The following CTNND2 variants were observed in gnomAD, a reference collection of about 807,000 sequenced individuals.
The protein encoded by CTNND2 is catenin delta-2.
A neutral mutation model predicts 144.4 loss-of-function variants in CTNND2; 22 were observed. The observed-to-expected ratio is 0.15, with a 90% CI of 0.11 to 0.22. The LOEUF (loss-of-function observed/expected upper bound fraction) is 0.22. Ranked by LOEUF, CTNND2 falls within the 10% of genes least tolerant of loss-of-function variation. The pLI is 1.00. For missense variants in CTNND2, 1,353 were observed against 1,618.8 expected, an observed-to-expected ratio of 0.84 and a Z score of 2.82; for synonymous variants, 751 against 695.6, an observed-to-expected ratio of 1.08 and a Z score of -1.25.
intron 2 of CTNND2, among the ~76,000 whole-genome samples, chr5:11,596,838 C>G (rs970089914): frequency 6.6e-6 from 1 of 152,090 alleles, no homozygotes; most frequent in African/African-American, 2.4e-5. Flanking sequence ...CTCTAGTGTT[C>G]TCTTTGTGCT....
At chr5:11,068,605 T>G (rs1747871696) in intron 16 of CTNND2, among the ~76,000 whole-genome samples, 1 of 152,164 alleles carries the variant, frequency 6.6e-6, no homozygotes, top group South Asian at 2.1e-4. Context: ...CTATTATGCA[T>G]TACAACACAA....
At chr5:11,464,176 T>C (rs996939285) in intron 3 of CTNND2, among the ~76,000 whole-genome samples, 1 of 152,188 alleles carries the variant, frequency 6.6e-6, no homozygotes, top group African/African-American at 2.4e-5. Context: ...AATTCAGCAG[T>C]GAGCCAAACA....
At chr5:11,143,466 A>G (rs59115208) in intron 12 of CTNND2, among the ~76,000 whole-genome samples, 11,731 of 152,096 alleles carry the variant, frequency 0.077, 1,448 homozygotes, top group African/African-American at 0.26. Context: ...TTGATGCTCT[A>G]TTGGCTTGTA....
At chr5:11,216,800 T>C (rs997459986) in intron 10 of CTNND2, among the ~76,000 whole-genome samples, 1 of 152,222 alleles carries the variant, frequency 6.6e-6, no homozygotes, top group Non-Finnish European at 1.5e-5. Context: ...GCTGCTTTGA[T>C]CAGCACACCT....
chr5:11,157,206 A>G (rs1758301757), intron 12 of CTNND2, among the ~76,000 whole-genome samples: 1 of 152,276 alleles, frequency 6.6e-6, no homozygotes, highest in Non-Finnish European at 1.5e-5. Context: ...ACTTACTTTA[A>G]TTTTATTTAA....
chr5:11,824,212 A>C (rs1204580529), intron 1 of CTNND2, among the ~76,000 whole-genome samples: 1 of 152,210 alleles, frequency 6.6e-6, no homozygotes, highest in Admixed American at 6.5e-5. Context: ...TCCAGGCTTA[A>C]ACTAAGTGAG....
chr5:11,612,068 T>C (rs939546810), intron 2 of CTNND2, among the ~76,000 whole-genome samples: 57 of 111,056 alleles, frequency 5.1e-4, no homozygotes, highest in Non-Finnish European at 9.5e-4. Flanking sequence ...TCACCAAGCC[T>C]ACGTAATGGA....
chr5:11,259,891 C>A (rs141536410), intron 9 of CTNND2, among the ~76,000 whole-genome samples: 3 of 152,182 alleles, frequency 2.0e-5, no homozygotes, highest in Non-Finnish European at 4.4e-5. Context: ...ACCCAGAGAG[C>A]TGTTCATCTG....
intron 3 of CTNND2, among the ~76,000 whole-genome samples, chr5:11,488,653 CAA>C (rs1769082625): frequency 6.6e-6 from 1 of 152,040 alleles, no homozygotes; most frequent in East Asian, 1.9e-4. Context: ...GTAGCATAAT[CAA>C]AAGAGAGAAG....
intron 1 of CTNND2, among the ~76,000 whole-genome samples, chr5:11,819,667 T>C (rs548976827): frequency 2.0e-5 from 3 of 152,182 alleles, no homozygotes; most frequent in Admixed American, 2.0e-4. Flanking sequence ...CAGTGCAGAG[T>C]CTAGGCCAAA....
intron 16 of CTNND2, among the ~76,000 whole-genome samples, chr5:11,073,299 T>C (rs1748550087): frequency 6.6e-6 from 1 of 152,228 alleles, no homozygotes; most frequent in Non-Finnish European, 1.5e-5. Flanking sequence ...GGCTGTGGTA[T>C]TTGAGGAGAG....
chr5:11,852,501 T>A (rs1195176469), intron 1 of CTNND2, among the ~76,000 whole-genome samples: 7 of 152,166 alleles, frequency 4.6e-5, no homozygotes, highest in Non-Finnish European at 8.8e-5. Context: ...GGGGCACTTG[T>A]ATGTGCACAG....
At chr5:11,635,481 T>C (rs760591830) in intron 2 of CTNND2, among the ~76,000 whole-genome samples, 10 of 152,280 alleles carry the variant, frequency 6.6e-5, no homozygotes, top group African/African-American at 1.2e-4. Context: ...TGGATGAACA[T>C]TGATAATTTC....
intron 3 of CTNND2, among the ~76,000 whole-genome samples, chr5:11,451,738 T>C (rs969613564): frequency 2.0e-5 from 3 of 152,252 alleles, no homozygotes; most frequent in Non-Finnish European, 2.9e-5. Context: ...ATTTACATAA[T>C]TCGCACGTTC....
intron 11 of CTNND2, among the ~76,000 whole-genome samples, chr5:11,166,785 A>G (rs1172312873): frequency 6.6e-6 from 1 of 152,140 alleles, no homozygotes; most frequent in Non-Finnish European, 1.5e-5. Flanking sequence ...GATGCATATA[A>G]ACTCTCAATA....
At chr5:11,478,444 G>T (rs780213365) in intron 3 of CTNND2, among the ~76,000 whole-genome samples, 16 of 152,168 alleles carry the variant, frequency 1.1e-4, no homozygotes, top group East Asian at 1.9e-4. Context: ...CTGGCAGTGT[G>T]GCTCTTAGAA....
intron 3 of CTNND2, among the ~76,000 whole-genome samples, chr5:11,504,529 C>A (rs897534813): frequency 6.6e-6 from 1 of 152,164 alleles, no homozygotes; most frequent in African/African-American, 2.4e-5. Context: ...CCTGACAATT[C>A]TTTCCCTTCA....
chr5:11,712,175 C>T (rs1786071282), intron 2 of CTNND2, among the ~76,000 whole-genome samples: 1 of 152,164 alleles, frequency 6.6e-6, no homozygotes, highest in Non-Finnish European at 1.5e-5. Context: ...GAACTAGACA[C>T]ATACAAACTA....
chr5:11,621,040 T>C (rs1259124658), intron 2 of CTNND2, among the ~76,000 whole-genome samples: 1 of 152,164 alleles, frequency 6.6e-6, no homozygotes, highest in Non-Finnish European at 1.5e-5. Flanking sequence ...ACTCAGCCAT[T>C]CTCAGGAGTC....
Sources: gnomAD v4.1 joint callset for allele counts (sites outside exome capture counted in the v4.1 genomes callset) on GRCh38, gnomAD v4.1.1 for gene constraint, MANE v1.5 for transcripts, NCBI Gene and HGNC (gene_info 2026-07-23, HGNC 2026-07-21) for gene names.